The following ALK variants were observed in gnomAD, a reference collection of about 807,000 sequenced individuals.
ALK encodes ALK receptor tyrosine kinase.
ALK carries 74 observed loss-of-function variants against 163.1 expected under a neutral mutation model. The observed-to-expected ratio is 0.45, with a 90% CI of 0.38 to 0.55. The LOEUF (loss-of-function observed/expected upper bound fraction) is 0.55, where lower values mean the gene tolerates loss of function less well. Ranked by LOEUF, ALK falls within the 20% of genes least tolerant of loss-of-function variation. The pLI, the probability that ALK is intolerant of heterozygous loss-of-function variation, is 0.00. For missense variants in ALK, 2,063 were observed against 2,105.3 expected (o/e 0.98, Z 0.39); for synonymous variants, 960 against 843.2 (o/e 1.14, Z -2.40).
rs149364702 is a variant in ALK, at chr2:29,441,007, A to C, written c.1155-57148T>G. Among the ~76,000 whole-genome samples the C allele has an allele frequency of 6.0e-4, 91 of 152,274 alleles. No individual in the cohort carries two copies. In the East Asian group the frequency reaches 0.012, roughly 20 times the overall value. On this transcript the variant is annotated intron_variant, in intron 4 of 28. Transcript: ENST00000389048. ...CTGGCTGGCCAAGTCTCCGGCTTCA[A>C]TAGCCAACTTGGACTTGGACTTCCC...
Position 29,232,313 on chromosome 2 carries a change from C to T in ALK, c.2623G>A (p.Gly875Arg), listed in dbSNP as rs148001139. The T allele has an allele frequency of 2.9e-5, 47 of 1,614,108 alleles. No homozygotes were observed. The highest frequency in any genetic ancestry group is 1.1e-4 in the South Asian group (10 of 91,086). The change falls in exon 15 of 29, where the codon GGA (glycine) becomes AGA (arginine). Residue 875 changes from glycine to arginine, a missense_variant. Transcript: ENST00000389048. ...SSVLGLNGNS[G>R]AAGGGGGWND... ...GCTTGCAGCGCTTTACCTGCGGCTC[C>T]GGAATTGCCGTTTAGCCCTAGAACC...
chr2:29,689,647 C>T lies in ALK; in HGVS notation c.952+5203G>A, dbSNP rs1453380822. ...GGGAGAAAAACCAAGGCATAGTGGGCTAAAGAGTGGCCCCCAGGGCATATG... is the reference window on the plus strand; with the variant it reads ...GGGAGAAAAACCAAGGCATAGTGGGTTAAAGAGTGGCCCCCAGGGCATATG... On this transcript the variant is annotated intron_variant, in intron 3 of 28. Coordinates refer to ENST00000389048, the MANE Select transcript of ALK (RefSeq NM_004304.5). 2.6e-5 allele frequency among the ~76,000 whole-genome samples: 4 copies of T among 152,160 alleles called. No homozygotes were observed. The East Asian group carries it at 7.7e-4, about 29-fold the overall frequency.
rs748027591 is a variant in ALK, at chr2:29,196,825, G to C, written c.4109C>G (p.Pro1370Arg). Residue 1370 changes from proline (P) to arginine (R), a missense_variant, in exon 28 of 29, where the codon CCT becomes CGT. Coordinates refer to ENST00000389048, the MANE Select transcript of ALK (RefSeq NM_004304.5). Reference protein sequence around the residue: ...RIMTQCWQHQPEDRPNFAIIL... With the variant: ...RIMTQCWQHQREDRPNFAIIL... ...GATGGCAAAGTTGGGCCTGTCTTCA[G>C]GCTGATGTTGCCAGCACTGAGTCAT... 1.2e-6 allele frequency: 2 copies of C among 1,614,130 alleles called. No individual in the cohort carries two copies. Among genetic ancestry groups the C allele is most frequent in the Non-Finnish European group, 1.7e-6 (2 of 1,179,956 alleles).
At chr2:29,760,495 G>C (rs925685719) in intron 1 of ALK, among the ~76,000 whole-genome samples, 1 of 152,170 alleles carries the variant, frequency 6.6e-6, no homozygotes, top group African/African-American at 2.4e-5. Context: ...CATTGGCTAA[G>C]CTCCTCCAGT....
At chr2:29,722,056 C>T (rs1679437101) in intron 1 of ALK, among the ~76,000 whole-genome samples, 1 of 152,254 alleles carries the variant, frequency 6.6e-6, no homozygotes, top group Non-Finnish European at 1.5e-5. Context: ...CCCCTGCAAT[C>T]ACTCCCTGCT....
chr2:29,740,728 G>A lies in ALK; in HGVS notation c.668-23031C>T, dbSNP rs115397758. ...AAAGAAATGTGCTATTAGGCTAGGC[G>A]TGGTGGCTCACACCTGTAATCCCAG... On this transcript the variant is annotated intron_variant, in intron 1 of 28. Coordinates refer to ENST00000389048, the MANE Select transcript of ALK (RefSeq NM_004304.5). Among the ~76,000 whole-genome samples the A allele has an allele frequency of 8.0e-3, 1,226 of 152,316 alleles. 14 individuals carry two copies. The highest frequency in any genetic ancestry group is 0.014 in the South Asian group (66 of 4,822).
intron 4 of ALK, among the ~76,000 whole-genome samples, chr2:29,456,651 T>C (rs1670962951): frequency 6.6e-6 from 1 of 152,158 alleles, no homozygotes; most frequent in African/African-American, 2.4e-5. Flanking sequence ...GATTGCACAA[T>C]AATATGAATA....
At chr2:29,419,547 G>A (rs1669967314) in intron 4 of ALK, among the ~76,000 whole-genome samples, 1 of 151,298 alleles carries the variant, frequency 6.6e-6, no homozygotes. Flanking sequence ...CTAAAAATGT[G>A]GTATGAACCT....
At chr2:29,427,461 ATTAAG>A in intron 4 of ALK, among the ~76,000 whole-genome samples, 1 of 152,238 alleles carries the variant, frequency 6.6e-6, no homozygotes, top group African/African-American at 2.4e-5. Flanking sequence ...TCTCACTGGA[ATTAAG>A]TTAATATAAA....
chr2:29,354,780 T>TTC (rs1490338877), intron 5 of ALK, among the ~76,000 whole-genome samples: 1 of 150,888 alleles, frequency 6.6e-6, no homozygotes, highest in Non-Finnish European at 1.5e-5. Flanking sequence ...TTTTTTTTTT[T>TTC]TTTTGAGATG....
intron 5 of ALK, among the ~76,000 whole-genome samples, chr2:29,365,666 A>G (rs1167198120): frequency 2.0e-5 from 3 of 152,236 alleles, no homozygotes; most frequent in Non-Finnish European, 4.4e-5. Flanking sequence ...CAAGCTCTGA[A>G]TCTGACTCAG....
Position 29,888,263 on chromosome 2 carries a change from A to ATTTTTT in ALK, c.667+31729_667+31730insAAAAAA, listed in dbSNP as rs1558534593. Among the ~76,000 whole-genome samples the ATTTTTT allele has an allele frequency of 5.2e-3, 190 of 36,236 alleles. 1 individual carries two copies. The highest frequency in any genetic ancestry group is 0.017 in the African/African-American group (170 of 10,118). The allele number at this position is 36,236 out of a possible 152,430, so 23.8% of individuals were successfully genotyped here. A position where few individuals can be genotyped will look rare whatever the true frequency, so the allele number is the denominator to read the frequency against. Reference sequence around the variant, plus strand: ...AATAAATTGTTTTTTTTTTTTTTTAAAAAAAGGGAAACTATGTATTAAGCT... The same window carrying ATTTTTT: ...AATAAATTGTTTTTTTTTTTTTTTAATTTTTTAAAAAGGGAAACTATGTATTAAGCT... On this transcript the variant is annotated intron_variant, in intron 1 of 28. Transcript: ENST00000389048.
chr2:29,701,532 A>T (rs1033634289), intron 2 of ALK, among the ~76,000 whole-genome samples: 8 of 152,204 alleles, frequency 5.3e-5, no homozygotes, highest in African/African-American at 1.7e-4. Flanking sequence ...TGCCATGCCC[A>T]TCAATTCCAT....
At chr2:29,361,334 A>G (rs1668383836) in intron 5 of ALK, among the ~76,000 whole-genome samples, 1 of 152,204 alleles carries the variant, frequency 6.6e-6, no homozygotes, top group South Asian at 2.1e-4. Flanking sequence ...ATGCATTAGC[A>G]GGAGATAATA....
intron 4 of ALK, among the ~76,000 whole-genome samples, chr2:29,468,509 C>T (rs1423109554): frequency 6.6e-6 from 1 of 152,078 alleles, no homozygotes; most frequent in Non-Finnish European, 1.5e-5. Context: ...AGTTCATGAA[C>T]ATACATTTCT....
At chr2:29,383,940 T>C (rs1406586754) in intron 4 of ALK, 81 bp from the exon 5 acceptor site, 2 of 1,578,844 alleles carry the variant, frequency 1.3e-6, no homozygotes, top group East Asian at 2.2e-5. Flanking sequence ...CAGGGTCATG[T>C]CCTTGCAGGG....
intron 5 of ALK, among the ~76,000 whole-genome samples, chr2:29,373,995 G>A (rs1217241755): frequency 1.3e-5 from 2 of 152,230 alleles, no homozygotes; most frequent in Non-Finnish European, 2.9e-5. Context: ...GCAAGTCTGG[G>A]CTGTCAGAAT....
At chr2:29,424,945 AATT>A (rs1422315691) in intron 4 of ALK, among the ~76,000 whole-genome samples, 4 of 152,160 alleles carry the variant, frequency 2.6e-5, no homozygotes. Flanking sequence ...TGTAGGCAGA[AATT>A]ATTATTTGAA....
At chr2:29,710,992 T>C (rs1003317497) in intron 2 of ALK, among the ~76,000 whole-genome samples, 1 of 152,206 alleles carries the variant, frequency 6.6e-6, no homozygotes, top group African/African-American at 2.4e-5. Context: ...GTCAACATCT[T>C]TCCTTGCCAA....
Sources: allele counts gnomAD v4.1 joint callset (sites outside exome capture counted in the v4.1 genomes callset), GRCh38; gene constraint gnomAD v4.1.1; transcripts MANE v1.5; gene names NCBI Gene and HGNC (gene_info 2026-07-23, HGNC 2026-07-21).